The following PTPRG variants were observed in gnomAD, a reference collection of about 807,000 sequenced individuals.
The protein encoded by PTPRG is receptor-type tyrosine-protein phosphatase gamma.
PTPRG carries 102 observed loss-of-function variants against 165.3 expected under a neutral mutation model. The observed-to-expected ratio is 0.62, with a 90% CI of 0.53 to 0.73. PTPRG has a LOEUF of 0.73. Among genes scored for constraint, PTPRG ranks in the 30% least tolerant of loss-of-function variants. The pLI is 0.00. For missense variants in PTPRG, 1,866 were observed against 1,861.4 expected, an observed-to-expected ratio of 1.00 and a Z score of -0.05; for synonymous variants, 675 against 669.5, an observed-to-expected ratio of 1.01 and a Z score of -0.13.
rs71123239 is a variant in PTPRG at position 61,906,778 on chromosome 3, TGTAGGTAGGTAG to T, written c.191-82806_191-82795del. On this transcript the variant is annotated intron_variant, in intron 2 of 29. Transcript: ENST00000474889. ...TGGGCTGGGAGACAGAGTGAGACCCTGTAGGTAGGTAGGTAGGTAGGTAGGTAGGTAGGTAGG... is the reference window on the plus strand; with the variant it reads ...TGGGCTGGGAGACAGAGTGAGACCCTGTAGGTAGGTAGGTAGGTAGGTAGG... Among the ~76,000 whole-genome samples the T allele has an allele frequency of 6.2e-3, 917 of 146,966 alleles. 5 individuals are homozygous for T. The highest frequency in any genetic ancestry group is 0.021 in the Middle Eastern group (6 of 282).
chr3:61,913,654 G>A (rs562094844), intron 2 of PTPRG, among the ~76,000 whole-genome samples: 2 of 152,198 alleles, frequency 1.3e-5, no homozygotes, highest in East Asian at 1.9e-4. Context: ...GTTTCTTTAC[G>A]TCTTTTTGTA....
At chr3:62,226,447 G>A (rs1232696325) in intron 13 of PTPRG, among the ~76,000 whole-genome samples, 1 of 152,156 alleles carries the variant, frequency 6.6e-6, no homozygotes, top group Admixed American at 6.5e-5. Flanking sequence ...GCTAACTAGT[G>A]GTACTCACTC....
intron 3 of PTPRG, among the ~76,000 whole-genome samples, chr3:61,991,084 A>G (rs190231850): frequency 1.3e-5 from 2 of 152,162 alleles, no homozygotes; most frequent in Admixed American, 6.5e-5. Context: ...GGCCTTTTTT[A>G]TAATGCCCCC....
intron 4 of PTPRG, among the ~76,000 whole-genome samples, chr3:62,012,954 C>G (rs779542495): frequency 7.2e-5 from 11 of 152,162 alleles, no homozygotes; most frequent in Non-Finnish European, 1.3e-4. Context: ...TATTTTTAAT[C>G]ACTGAGAGCA....
intron 5 of PTPRG, among the ~76,000 whole-genome samples, chr3:62,124,012 C>T (rs1015817472): frequency 1.3e-5 from 2 of 152,032 alleles, no homozygotes; most frequent in Non-Finnish European, 2.9e-5. Context: ...ACGAATATCA[C>T]AGTCCAAGTG....
chr3:62,119,121 G>T (rs745737890), intron 5 of PTPRG, among the ~76,000 whole-genome samples: 9 of 152,164 alleles, frequency 5.9e-5, no homozygotes, highest in Non-Finnish European at 1.0e-4. Context: ...TTCTAAACAG[G>T]TAATTACAAT....
chr3:61,888,817 A>T (rs1334534535), intron 2 of PTPRG, among the ~76,000 whole-genome samples: 1 of 152,116 alleles, frequency 6.6e-6, no homozygotes, highest in Non-Finnish European at 1.5e-5. Flanking sequence ...ATGTCTTTTT[A>T]GTCTCTCTTA....
At chr3:61,773,369 C>G (rs752266766) in intron 2 of PTPRG, among the ~76,000 whole-genome samples, 1 of 152,160 alleles carries the variant, frequency 6.6e-6, no homozygotes, top group Admixed American at 6.5e-5. Context: ...AAACGCCTAA[C>G]TACAGACCAT....
intron 1 of PTPRG, among the ~76,000 whole-genome samples, chr3:61,680,604 A>G (rs1395577510): frequency 1.3e-5 from 2 of 148,442 alleles, no homozygotes; most frequent in Non-Finnish European, 3.0e-5. Flanking sequence ...TGTCCTTCAA[A>G]AAAAAAAATC....
chr3:61,915,664 T>C (rs1479110414), intron 2 of PTPRG, among the ~76,000 whole-genome samples: 1 of 151,834 alleles, frequency 6.6e-6, no homozygotes, highest in African/African-American at 2.4e-5. Flanking sequence ...TATTTTTTCT[T>C]TCTTTCTTCT....
intron 4 of PTPRG, among the ~76,000 whole-genome samples, chr3:62,016,508 T>A (rs6805618): frequency 0.86 from 131,159 of 152,130 alleles, 56,704 homozygotes; most frequent in East Asian, 0.98. Flanking sequence ...TCTTGTCACA[T>A]GAAGCAACAG....
chr3:61,962,413 C>T (rs1371384371), intron 2 of PTPRG, among the ~76,000 whole-genome samples: 1 of 152,142 alleles, frequency 6.6e-6, no homozygotes, highest in East Asian at 1.9e-4. Flanking sequence ...ACATGTTTAA[C>T]CTCTTGAGTA....
chr3:61,825,583 T>C (rs1348195750), intron 2 of PTPRG, among the ~76,000 whole-genome samples: 1 of 152,160 alleles, frequency 6.6e-6, no homozygotes, highest in African/African-American at 2.4e-5. Flanking sequence ...TTAAATAAAT[T>C]TCACAAATTT....
chr3:61,707,606 A>G (rs1480009836), intron 1 of PTPRG, among the ~76,000 whole-genome samples: 1 of 152,188 alleles, frequency 6.6e-6, no homozygotes, highest in African/African-American at 2.4e-5. Flanking sequence ...TCCCACCCAC[A>G]TTAGGGAGGG....
At chr3:62,160,926 G>A (rs1429370119) in intron 7 of PTPRG, among the ~76,000 whole-genome samples, 1 of 104,436 alleles carries the variant, frequency 9.6e-6, no homozygotes, top group South Asian at 3.4e-4. Flanking sequence ...AGGTTTAATT[G>A]CATGACCCTT....
At chr3:61,599,031 T>TA (rs1170815035) in intron 1 of PTPRG, among the ~76,000 whole-genome samples, 1 of 152,168 alleles carries the variant, frequency 6.6e-6, no homozygotes, top group East Asian at 1.9e-4. Context: ...TACAGATGGA[T>TA]AGGAAGATAG....
chr3:61,736,494 G>C (rs983702930), intron 1 of PTPRG, among the ~76,000 whole-genome samples: 3 of 151,362 alleles, frequency 2.0e-5, no homozygotes, highest in African/African-American at 7.3e-5. Flanking sequence ...TTCATTTTGT[G>C]AACAATCCTA....
At chr3:61,836,578 C>A (rs2036468813) in intron 2 of PTPRG, among the ~76,000 whole-genome samples, 1 of 152,164 alleles carries the variant, frequency 6.6e-6, no homozygotes, top group Non-Finnish European at 1.5e-5. Context: ...TTATTGACAT[C>A]AAGGCCTGAA....
intron 2 of PTPRG, among the ~76,000 whole-genome samples, chr3:61,752,799 A>AAAG (rs1263156263): frequency 1.9e-5 from 1 of 53,768 alleles, no homozygotes; most frequent in Non-Finnish European, 4.7e-5. Flanking sequence ...AAAAAAAAAA[A>AAAG]AAGAAAAAAA....
Sources: gnomAD v4.1 joint callset for allele counts (sites outside exome capture counted in the v4.1 genomes callset) on GRCh38, gnomAD v4.1.1 for gene constraint, MANE v1.5 for transcripts, NCBI Gene and HGNC (gene_info 2026-07-23, HGNC 2026-07-21) for gene names.